Variants in NMS observed in about 807,000 individuals in gnomAD.
NMS encodes neuromedin-S.
In NMS, 30 loss-of-function variants were observed where a neutral mutation model predicts 32.2. That is an observed-to-expected ratio of 0.93 (90% CI 0.70 to 1.26). The LOEUF (loss-of-function observed/expected upper bound fraction) is 1.26. Ranked by LOEUF, NMS falls within the 50% of genes most tolerant of loss-of-function variation. NMS has a pLI of 0.00. For synonymous variants in NMS, 76 were observed against 58.5 expected (o/e 1.30, Z -1.37); for missense variants, 190 against 186.3 (o/e 1.02, Z -0.12).
At chr2:100,482,161 G>C (rs1309511314) in intron 8 of NMS, 116 bp from the exon 9 acceptor site, 1 of 1,002,102 alleles carries the variant, frequency 1.0e-6, no homozygotes, top group Non-Finnish European at 1.6e-6. Context: ...GGAGGGGAGT[G>C]AAGTCCTAGT....
At chr2:100,481,750 A>T (rs1573238925) in intron 8 of NMS, among the ~76,000 whole-genome samples, 1 of 152,190 alleles carries the variant, frequency 6.6e-6, no homozygotes, top group African/African-American at 2.4e-5. Context: ...AAAACACTGC[A>T]CCCGACATTT....
intron 5 of NMS, among the ~76,000 whole-genome samples, chr2:100,478,334 A>G (rs1306100496): frequency 6.6e-6 from 1 of 152,240 alleles, no homozygotes; most frequent in Non-Finnish European, 1.5e-5. Flanking sequence ...TCTTATTTAT[A>G]TGTTCAAGGC....
chr2:100,479,032 G>C (rs1677164798), intron 5 of NMS, among the ~76,000 whole-genome samples: 1 of 152,106 alleles, frequency 6.6e-6, no homozygotes, highest in African/African-American at 2.4e-5. Flanking sequence ...GAGGGAGAAA[G>C]AATACATGTG....
chr2:100,482,499 G>A (rs1334213582), intron 9 of NMS, among the ~76,000 whole-genome samples, 188 bp downstream of exon 9: 1 of 151,506 alleles, frequency 6.6e-6, no homozygotes, highest in Non-Finnish European at 1.5e-5. Flanking sequence ...CCCCACCCCA[G>A]CCTAGCAGAT....
At chr2:100,475,131 C>T (rs1010884824) in intron 3 of NMS, among the ~76,000 whole-genome samples, 6 of 152,186 alleles carry the variant, frequency 3.9e-5, no homozygotes, top group Admixed American at 1.3e-4. Context: ...CCAAGTCTAT[C>T]CCATTCATTG....
rs757882887 is a variant in NMS at position 100,477,364 on chromosome 2, T to C, written c.211T>C (p.Leu71=). ...ATCACTTTCTTTTCTTATTTAGTTT[T>C]TGTTTCACTACTCCAGAACTCAGGA... is the stretch of plus-strand genomic sequence containing the variant. The part of the protein sequence containing the change: ...KDNQDIYKRF[L]FHYSRTQEAT... The change falls in exon 5 of 10, where the codon TTG becomes CTG. Residue 71 remains leucine (L), a synonymous_variant. Transcript: ENST00000376865. The C allele has an allele frequency of 4.3e-6, 7 of 1,613,518 alleles. No individual in the cohort carries two copies. The highest frequency in any genetic ancestry group is 2.2e-5 in the South Asian group (2 of 91,002).
intron 3 of NMS, among the ~76,000 whole-genome samples, chr2:100,476,013 A>G (rs75677207): frequency 0.22 from 32,063 of 142,742 alleles, 4,166 homozygotes; most frequent in East Asian, 0.33. Context: ...AAAAAAAAAG[A>G]AAAGAAAAGA....
At chr2:100,480,857 T>G (rs1677203791) in intron 7 of NMS, among the ~76,000 whole-genome samples, 1 of 152,186 alleles carries the variant, frequency 6.6e-6, no homozygotes, top group African/African-American at 2.4e-5. Context: ...ATAGAGGTAC[T>G]GCCAGAGCAC....
intron 7 of NMS, 116 bp from the exon 8 acceptor site, chr2:100,481,010 G>A (rs1677206372): frequency 9.2e-6 from 9 of 973,582 alleles, no homozygotes; most frequent in South Asian, 9.1e-5. Flanking sequence ...GTTCCCAGAG[G>A]TTGTTGGTGC....
At chr2:100,470,782 T>A (rs539957268) in intron 1 of NMS, among the ~76,000 whole-genome samples, 1 of 152,334 alleles carries the variant, frequency 6.6e-6, no homozygotes, top group East Asian at 1.9e-4. Flanking sequence ...TGTGGGACTG[T>A]CTTTAAGCTG....
intron 6 of NMS, 37 bp from the exon 7 acceptor site, chr2:100,480,459 T>C: frequency 6.2e-7 from 1 of 1,609,398 alleles, no homozygotes. Flanking sequence ...CATGATGTGG[T>C]TCCTGTTGAA....
chr2:100,477,342 A>G lies in NMS; in HGVS notation c.208-19A>G. On this transcript the variant is annotated intron_variant, in intron 4 of 9. Coordinates refer to ENST00000376865, the MANE Select transcript of NMS (RefSeq NM_001011717.1). The stretch of plus-strand genomic sequence containing the variant: ...GCAAGTGACACTCGATACTAATATC[A>G]CTTTCTTTTCTTATTTAGTTTTTGT... 8 of 1,612,432 alleles carry G rather than the reference A, an allele frequency of 5.0e-6. No homozygotes were observed. Among genetic ancestry groups the G allele is most frequent in the Non-Finnish European group, 6.8e-6 (8 of 1,178,528 alleles).
intron 3 of NMS, among the ~76,000 whole-genome samples, chr2:100,475,798 G>A (rs867999448): frequency 3.3e-5 from 5 of 151,958 alleles, no homozygotes; most frequent in Non-Finnish European, 7.4e-5. Context: ...TCAGGAGTTC[G>A]AGACCAGCTT....
intron 3 of NMS, among the ~76,000 whole-genome samples, chr2:100,474,136 GCC>G: frequency 6.6e-6 from 1 of 152,296 alleles, no homozygotes; most frequent in East Asian, 1.9e-4. Context: ...CCACACTCCA[GCC>G]TGGGTGACAG....
intron 3 of NMS, among the ~76,000 whole-genome samples, chr2:100,473,854 C>T (rs1032835798): frequency 4.6e-5 from 7 of 152,038 alleles, no homozygotes; most frequent in Admixed American, 4.6e-4. Context: ...TATAGCAGTT[C>T]TCCAAAACAA....
rs1179837290 is a variant in NMS, at chr2:100,470,509, G to T, written c.21G>T (p.Gln7His). 2 of 1,613,766 alleles carry T rather than the reference G, an allele frequency of 1.2e-6. No individual in the cohort carries two copies. The highest frequency in any genetic ancestry group is 1.3e-5 in the African/African-American group (1 of 74,912). The change falls in exon 1 of 10, where the codon CAG becomes CAT. Residue 7 changes from glutamine to histidine, a missense_variant. Gln to His is a conservative substitution (Grantham distance 24). Coordinates refer to ENST00000376865, the MANE Select transcript of NMS (RefSeq NM_001011717.1). ...TCACAATGAAACATCTTCGTCCCCA[G>T]TTCCCTCTCATCTTGGCCATCTACT... MKHLRP[Q>H]FPLILAIYCF...
Position 100,483,275 on chromosome 2 carries a change from G to T in NMS, c.*11G>T, listed in dbSNP as rs564470092. 137 of 1,606,732 alleles carry T rather than the reference G, an allele frequency of 8.5e-5. 1 individual carries two copies. In the South Asian group the frequency reaches 1.5e-3, roughly 18 times the overall value. ...AGGATTCAGTGGTGAAAGAAAGCTGGATCTGATGAGGCCTTCCAGGGATTA... is the reference window on the plus strand; with the variant it reads ...AGGATTCAGTGGTGAAAGAAAGCTGTATCTGATGAGGCCTTCCAGGGATTA... On this transcript the variant is annotated 3_prime_UTR_variant, in exon 10 of 10. Coordinates refer to ENST00000376865, the MANE Select transcript of NMS (RefSeq NM_001011717.1).
intron 3 of NMS, among the ~76,000 whole-genome samples, chr2:100,474,611 C>T (rs993348012): frequency 2.6e-5 from 4 of 152,114 alleles, no homozygotes; most frequent in Non-Finnish European, 5.9e-5. Context: ...TCATAGTATC[C>T]CAGAATGCTG....
chr2:100,480,904 G>A (rs1434028608), intron 7 of NMS, among the ~76,000 whole-genome samples: 20 of 152,100 alleles, frequency 1.3e-4, no homozygotes, highest in Admixed American at 1.3e-3. Flanking sequence ...ACGTGGCCAT[G>A]CATCAGAGTC....
Sources: allele counts gnomAD v4.1 joint callset (sites outside exome capture counted in the v4.1 genomes callset), GRCh38; gene constraint gnomAD v4.1.1; transcripts MANE v1.5; gene names NCBI Gene and HGNC (gene_info 2026-07-23, HGNC 2026-07-21).